The following DYNC1H1 variants were observed in gnomAD, a reference collection of about 807,000 sequenced individuals.
DYNC1H1 encodes dynein cytoplasmic 1 heavy chain 1, also known as cytoplasmic dynein 1 heavy chain 1.
In DYNC1H1, 51 loss-of-function variants were observed where a neutral mutation model predicts 527.1. That is an observed-to-expected ratio of 0.10 (90% confidence interval 0.08 to 0.12). DYNC1H1 has a LOEUF of 0.12. Ranked by LOEUF, DYNC1H1 falls within the 10% of genes least tolerant of loss-of-function variation. The probability of loss-of-function intolerance (pLI) is 1.00; values close to 1 mark genes in which losing one functional copy is unlikely to be tolerated. For synonymous variants in DYNC1H1, 2,189 were observed against 2,278.8 expected (o/e 0.96, Z 1.12); for missense variants, 2,771 against 5,971.8 (o/e 0.46, Z 17.66).
chr14:101,987,442 TCTTC>T lies in DYNC1H1; in HGVS notation c.2539-6_2539-3del, dbSNP rs2141275733. 3 of 1,613,352 alleles carry T rather than the reference TCTTC, an allele frequency of 1.9e-6. No homozygotes were observed. Among genetic ancestry groups the T allele is most frequent in the Non-Finnish European group, 2.5e-6 (3 of 1,179,536 alleles). ...GTGGGTGTTTTAAATATTAAATATT[TCTTC>T]CTTCAGGTGGATGATCTGCTGATCA... is the stretch of plus-strand genomic sequence containing the variant. On this transcript the variant is annotated splice_polypyrimidine_tract_variant and splice_region_variant and intron_variant, in intron 8 of 77. Coordinates refer to ENST00000360184, the MANE Select transcript of DYNC1H1 (RefSeq NM_001376.5).
chr14:101,980,635 T>C, intron 5 of DYNC1H1, 85 bp downstream of exon 5: 2 of 1,483,452 alleles, frequency 1.3e-6, no homozygotes, highest in Non-Finnish European at 1.8e-6. Flanking sequence ...ATGAAAACTA[T>C]AGTTTTCACA....
chr14:101,988,908 G>A (rs547727437), intron 10 of DYNC1H1, 56 bp downstream of exon 10: 166 of 1,607,174 alleles, frequency 1.0e-4, no homozygotes, highest in South Asian at 5.5e-4. Flanking sequence ...AAACTCTCTC[G>A]TTAAAAAACA....
At chr14:101,999,942 C>G (rs376518531) in intron 16 of DYNC1H1, 47 bp from the exon 17 acceptor site, 2 of 1,613,490 alleles carry the variant, frequency 1.2e-6, no homozygotes, top group Non-Finnish European at 1.7e-6. Context: ...ATGCTCATCT[C>G]TCCTGAGACA....
chr14:102,013,300 G>A (rs1369300069), intron 34 of DYNC1H1, among the ~76,000 whole-genome samples: 3 of 149,128 alleles, frequency 2.0e-5, no homozygotes, highest in Non-Finnish European at 3.0e-5. Flanking sequence ...CCTTGCTCAC[G>A]TGTGATGCAA....
chr14:101,972,215 TAAAAA>T (rs1267604604), intron 1 of DYNC1H1, among the ~76,000 whole-genome samples: 1 of 140,790 alleles, frequency 7.1e-6, no homozygotes, highest in South Asian at 2.3e-4. Context: ...GACAACTATT[TAAAAA>T]AAAAAAAAAG....
rs2047837759 is a variant in DYNC1H1 at position 101,979,400 on chromosome 14, A to G, written c.426A>G (p.Glu142=). The G allele has an allele frequency of 2.5e-6, 4 of 1,614,196 alleles. No individual in the cohort carries two copies. The East Asian group carries it at 8.9e-5, about 36-fold the overall frequency. ...AGCTCCGGGTCCTTACACTCAGTGA[A>G]GACTCGCCCTACGAAACTTTGCATT... ...SSQLRVLTLS[E]DSPYETLHSF... The change falls in exon 3 of 78, where the codon GAA becomes GAG. Residue 142 remains glutamate, a synonymous_variant. Transcript: ENST00000360184. This position sits in a 1 kb window ranked among gnomAD's most constrained non-coding sequence, Gnocchi z 4.6.
In DYNC1H1 at chr14:102,054,564, CTT is replaced by C. The variant is rs758458056; in HGVS notation, c.*4022_*4023del. Reference sequence around the variant, plus strand: ...CATCACCAACAGAGCCTTTGCAGAACTTTTTTTTTTTTTTTTTTTTTTGAGAC... The same window carrying C: ...CATCACCAACAGAGCCTTTGCAGAACTTTTTTTTTTTTTTTTTTTTGAGAC... On this transcript the variant is annotated 3_prime_UTR_variant, in exon 78 of 78. Coordinates refer to ENST00000360184, the MANE Select transcript of DYNC1H1 (RefSeq NM_001376.5). The C allele has an allele frequency of 9.7e-5, 11 of 113,814 alleles. No individual in the cohort carries two copies. The highest frequency in any genetic ancestry group is 1.4e-4 in the Non-Finnish European group (8 of 57,784). The allele number at this position is 113,814 out of a possible 1,614,324, so 7.1% of individuals were successfully genotyped here.
At position 102,005,365 on chromosome 14, in the gene DYNC1H1, A is replaced by G. The variant is rs948116825; in HGVS notation, c.5433+129A>G. ...GGAGAACAGTGGATGGTGTATGGAT[A>G]TCCTCTGAGGGTGGGCATTTGGCTC... On this transcript the variant is annotated intron_variant, in intron 26 of 77. Transcript: ENST00000360184. This position sits in a 1 kb window ranked among gnomAD's most constrained non-coding sequence, Gnocchi z 4.0. 4.1e-5 allele frequency: 53 copies of G among 1,295,698 alleles called. No homozygotes were observed. Among genetic ancestry groups the G allele is most frequent in the Non-Finnish European group, 5.6e-5 (51 of 904,692 alleles). The allele number at this position is 1,295,698 out of a possible 1,614,324, so 80.3% of individuals were successfully genotyped here.
Position 101,983,396 on chromosome 14 carries a change from C to T in DYNC1H1, c.1248C>T (p.Cys416=). The T allele has an allele frequency of 6.2e-7, 1 of 1,614,092 alleles. No homozygotes were observed. The highest frequency in any genetic ancestry group is 8.5e-7 in the Non-Finnish European group (1 of 1,180,022). The part of the protein sequence containing the change: ...YEEFEKVMVA[C]FEVFQTWDDE... The stretch of plus-strand genomic sequence containing the variant: ...TTATATCCTAGGTTATGGTAGCATG[C>T]TTTGAAGTTTTTCAGACTTGGGATG... Residue 416 remains cysteine (C), a synonymous_variant, in exon 7 of 78, where the codon TGC becomes TGT. Transcript: ENST00000360184. This position sits in a 1 kb window ranked among gnomAD's most constrained non-coding sequence, Gnocchi z 5.3.
At chr14:102,007,590 C>CT (rs2048211397) in intron 28 of DYNC1H1, among the ~76,000 whole-genome samples, 1 of 152,172 alleles carries the variant, frequency 6.6e-6, no homozygotes, top group Non-Finnish European at 1.5e-5. Flanking sequence ...AGGCGTGACT[C>CT]TAATTTATCC....
chr14:101,996,984 T>C (rs771525958), intron 15 of DYNC1H1, 51 bp from the exon 16 acceptor site: 1 of 1,575,410 alleles, frequency 6.3e-7, no homozygotes, highest in South Asian at 1.2e-5. Context: ...ATTAATAATT[T>C]CTATCATTGT....
rs74082021 is a variant in DYNC1H1 at position 101,990,175 on chromosome 14, C to G, written c.2868+1323C>G. Among the ~76,000 whole-genome samples, 355 of 152,224 alleles carry G rather than the reference C, an allele frequency of 2.3e-3. 1 individual carries two copies. Among genetic ancestry groups the G allele is most frequent in the African/African-American group, 8.2e-3 (342 of 41,536 alleles). On this transcript the variant is annotated intron_variant, in intron 10 of 77. Transcript: ENST00000360184. Reference sequence around the variant, plus strand: ...GCAACACATGACTATCTAGTGGAGACGAAGTTGGAATTCTTGTTGAGTGTA... The same window carrying G: ...GCAACACATGACTATCTAGTGGAGAGGAAGTTGGAATTCTTGTTGAGTGTA...
At chr14:102,030,420 C>A in intron 51 of DYNC1H1, 138 bp downstream of exon 51, 1 of 1,311,042 alleles carries the variant, frequency 7.6e-7, no homozygotes, top group Non-Finnish European at 1.1e-6. Flanking sequence ...TAGTAACCAT[C>A]TGAAGCTTTT....
At position 102,052,139 on chromosome 14, in the gene DYNC1H1, G is replaced by A. The variant is rs2048820075; in HGVS notation, c.*1576G>A. ...CACCGAGTTGAGCCCCTAAACACAT[G>A]TTTTTCTTTTTAGAGACAGGGTCTC... On this transcript the variant is annotated 3_prime_UTR_variant, in exon 78 of 78. Transcript: ENST00000360184. 6.6e-6 allele frequency: 1 copy of A among 150,528 alleles called. No homozygotes were observed. Among genetic ancestry groups the A allele is most frequent in the African/African-American group, 2.4e-5 (1 of 40,964 alleles). The allele number at this position is 150,528 out of a possible 1,614,324, so 9.3% of individuals were successfully genotyped here. A position where few individuals can be genotyped will look rare whatever the true frequency, so the allele number is the denominator to read the frequency against.
rs761674532 is a variant in DYNC1H1 at position 102,039,284 on chromosome 14, G to A, written c.11460+30G>A. 88 of 1,611,718 alleles carry A rather than the reference G, an allele frequency of 5.5e-5. 1 individual carries two copies. The South Asian group carries it at 6.6e-4, about 12-fold the overall frequency. ...GTGCCTTGGCCATGCAGAGACTGGC[G>A]GGCCCCGCACAGTAGCTCCTTGGCC... On this transcript the variant is annotated intron_variant, in intron 60 of 77. Coordinates refer to ENST00000360184, the MANE Select transcript of DYNC1H1 (RefSeq NM_001376.5). This position sits in a 1 kb window ranked among gnomAD's most constrained non-coding sequence, Gnocchi z 7.0.
intron 52 of DYNC1H1, 107 bp from the exon 53 acceptor site, chr14:102,032,958 G>A (rs1285538930): frequency 4.3e-6 from 5 of 1,152,098 alleles, no homozygotes; most frequent in Non-Finnish European, 6.5e-6. Flanking sequence ...TCAGTCACTG[G>A]GGCAATGAGA....
At position 102,016,130 on chromosome 14, in the gene DYNC1H1, G is replaced by A. The variant is rs1422397373; in HGVS notation, c.7473+44G>A. 1 of 1,564,940 alleles carries A rather than the reference G, an allele frequency of 6.4e-7. No individual in the cohort carries two copies. The highest frequency in any genetic ancestry group is 1.9e-5 in the Admixed American group (1 of 53,040). On this transcript the variant is annotated intron_variant, in intron 36 of 77. Transcript: ENST00000360184. The surrounding 1 kb of genome is among the most constrained non-coding windows in gnomAD (Gnocchi z 7.3). Reference sequence around the variant, plus strand: ...CTTCACAGAGCTCACCACTGCGCCAGACCACAGGTCTGAGGACCTCTGAAA... The same window carrying A: ...CTTCACAGAGCTCACCACTGCGCCAAACCACAGGTCTGAGGACCTCTGAAA...
chr14:102,041,243 G>T lies in DYNC1H1; in HGVS notation c.11942-331G>T. 2.5e-6 allele frequency: 1 copy of T among 406,228 alleles called. No individual in the cohort carries two copies. The highest frequency in any genetic ancestry group is 2.1e-5 in the South Asian group (1 of 46,696). 25.2% of individuals were successfully genotyped at this position (406,228 alleles called of 1,614,324 possible). A position where few individuals can be genotyped will look rare whatever the true frequency, so the allele number is the denominator to read the frequency against. On this transcript the variant is annotated intron_variant, in intron 64 of 77. Coordinates refer to ENST00000360184, the MANE Select transcript of DYNC1H1 (RefSeq NM_001376.5). This position sits in a 1 kb window ranked among gnomAD's most constrained non-coding sequence, Gnocchi z 4.5. ...CCTGGGCTAGCCAGGCTGAGAGGAA[G>T]TGTCAGACTGTGGAGGGCAGAGCGT...
rs1399236395 is a variant in DYNC1H1 at position 102,041,621 on chromosome 14, C to A, written c.11989C>A (p.Arg3997=). ...CCGCCTGCTCCTGATCCAGGCTTTC[C>A]GGCCCGATCGCCTGTTGGCCATGGC... ...IHRLLLIQAF[R]PDRLLAMAHM... Residue 3997 remains arginine (R), a synonymous_variant, in exon 65 of 78, where the codon CGG becomes AGG. Coordinates refer to ENST00000360184, the MANE Select transcript of DYNC1H1 (RefSeq NM_001376.5). This position sits in a 1 kb window ranked among gnomAD's most constrained non-coding sequence, Gnocchi z 4.5. 1 of 1,614,112 alleles carries A rather than the reference C, an allele frequency of 6.2e-7. No homozygotes were observed. The highest frequency in any genetic ancestry group is 8.5e-7 in the Non-Finnish European group (1 of 1,180,050).
Sources: allele counts gnomAD v4.1 joint callset (sites outside exome capture counted in the v4.1 genomes callset), GRCh38; gene constraint gnomAD v4.1.1; non-coding constraint Gnocchi (gnomAD v3.1); transcripts MANE v1.5; gene names NCBI Gene and HGNC (gene_info 2026-07-23, HGNC 2026-07-21).